TARS1: variants seen among roughly 807,000 people sequenced by gnomAD.
The protein encoded by TARS1 is threonyl-tRNA synthetase 1.
TARS1 carries 57 observed loss-of-function variants against 97.7 expected under a neutral mutation model. The ratio of observed to expected loss-of-function variants is 0.58; its 90% CI spans 0.47 to 0.73. The LOEUF (loss-of-function observed/expected upper bound fraction) is 0.73, where lower values mean the gene tolerates loss of function less well. Ranked by LOEUF, TARS1 falls within the 30% of genes least tolerant of loss-of-function variation. The probability of loss-of-function intolerance (pLI) is 0.00; values close to 1 mark genes in which losing one functional copy is unlikely to be tolerated. For synonymous variants in TARS1, 312 were observed against 293.7 expected, an observed-to-expected ratio of 1.06 and a Z score of -0.64; for missense variants, 806 against 888.3, an observed-to-expected ratio of 0.91 and a Z score of 1.18.
intron 8 of TARS1, among the ~76,000 whole-genome samples, chr5:33,456,739 G>T (rs1742035203): frequency 6.6e-6 from 1 of 152,076 alleles, no homozygotes; most frequent in African/African-American, 2.4e-5. Flanking sequence ...AATGTTTGTG[G>T]AATTGTGGTT....
chr5:33,467,776 C>G lies in TARS1; in HGVS notation c.*68C>G. On this transcript the variant is annotated 3_prime_UTR_variant, in exon 19 of 19. Transcript: ENST00000265112. Reference sequence around the variant, plus strand: ...GCGTTTCCGTAAAATTGACTTTGTACTCTGAAAACGTCAATTTATATTGAA... The same window carrying G: ...GCGTTTCCGTAAAATTGACTTTGTAGTCTGAAAACGTCAATTTATATTGAA... 1 of 1,517,126 alleles carries G rather than the reference C, an allele frequency of 6.6e-7. No homozygotes were observed. Among genetic ancestry groups the G allele is most frequent in the Non-Finnish European group, 8.9e-7 (1 of 1,129,268 alleles). The allele number at this position is 1,517,126 out of a possible 1,614,324, so 94.0% of individuals were successfully genotyped here. A position where few individuals can be genotyped will look rare whatever the true frequency, so the allele number is the denominator to read the frequency against.
Position 33,455,024 on chromosome 5 carries a change from CA to C in TARS1, c.535del (p.Ile179Ter). ...GGTGGATGTTTATGCTACGGTCCGCCAATAGAAAATGGATTCTATTATGACA... is the reference window on the plus strand; with the variant it reads ...GGTGGATGTTTATGCTACGGTCCGCCATAGAAAATGGATTCTATTATGACA... The part of the protein sequence containing the change: ...VYGGCLCYGP[P>X]IENGFYYDMY... On this transcript the variant is annotated frameshift_variant, in exon 5 of 19. Coordinates refer to ENST00000265112, the MANE Select transcript of TARS1 (RefSeq NM_152295.5). LOFTEE classifies it high-confidence loss of function. 1 of 1,613,636 alleles carries C rather than the reference CA, an allele frequency of 6.2e-7. No homozygotes were observed. The highest frequency in any genetic ancestry group is 8.5e-7 in the Non-Finnish European group (1 of 1,179,848).
intron 16 of TARS1, among the ~76,000 whole-genome samples, chr5:33,462,789 C>G (rs1742355837): frequency 6.6e-6 from 1 of 152,174 alleles, no homozygotes; most frequent in East Asian, 1.9e-4. Context: ...GAAAGCAGCA[C>G]AGGGTTATAA....
intron 5 of TARS1, 136 bp downstream of exon 5, chr5:33,455,202 G>C (rs565695282): frequency 2.4e-4 from 279 of 1,155,440 alleles, no homozygotes; most frequent in Non-Finnish European, 3.0e-4. Flanking sequence ...ATCAGTACTT[G>C]AAGTGTTGCA....
Position 33,456,001 on chromosome 5 carries a change from G to A in TARS1, c.694-1G>A, listed in dbSNP as rs778573895. 1 of 1,613,168 alleles carries A rather than the reference G, an allele frequency of 6.2e-7. No individual in the cohort carries two copies. Among genetic ancestry groups the A allele is most frequent in the South Asian group, 1.1e-5 (1 of 91,004 alleles). Reference sequence around the variant, plus strand: ...AAAATAATAATTTTTCCTGTTTTCAGTACAACAAGTTCAAATGCCGGATAT... The same window carrying A: ...AAAATAATAATTTTTCCTGTTTTCAATACAACAAGTTCAAATGCCGGATAT... On this transcript the variant is annotated splice_acceptor_variant, in intron 6 of 18. Transcript: ENST00000265112. LOFTEE classifies it high-confidence loss of function.
At chr5:33,449,358 T>TATATATATATATATATATATATAG (rs59141272) in intron 3 of TARS1, among the ~76,000 whole-genome samples, 2 of 146,406 alleles carry the variant, frequency 1.4e-5, no homozygotes, top group African/African-American at 5.2e-5. Flanking sequence ...TATATATATA[T>TATATATATATATATATATATATAG]CTTAAACTGG....
intron 17 of TARS1, among the ~76,000 whole-genome samples, chr5:33,464,844 G>A (rs1211836944): frequency 2.6e-5 from 4 of 152,050 alleles, no homozygotes; most frequent in African/African-American, 9.7e-5. Flanking sequence ...TTGGGAGGCC[G>A]AGGCGGGTGG....
intron 2 of TARS1, chr5:33,446,566 T>C (rs896450618): frequency 3.4e-6 from 2 of 594,878 alleles, no homozygotes; most frequent in African/African-American, 3.8e-5. Flanking sequence ...GAAAAAAGAG[T>C]GTACAGTGAA....
intron 2 of TARS1, among the ~76,000 whole-genome samples, chr5:33,447,447 A>G (rs924088314): frequency 1.3e-5 from 2 of 152,252 alleles, no homozygotes; most frequent in Non-Finnish European, 2.9e-5. Flanking sequence ...GGATTTTGCC[A>G]TGTTGGCCAG....
upstream of TARS1, chr5:33,440,892 G>A: frequency 1.6e-6 from 1 of 614,776 alleles, no homozygotes. Flanking sequence ...AGAGGAGGGA[G>A]GGCCCGCCTT....
chr5:33,463,363 C>T (rs577067572), intron 16 of TARS1, among the ~76,000 whole-genome samples: 7 of 152,262 alleles, frequency 4.6e-5, no homozygotes, highest in Middle Eastern at 3.4e-3. Context: ...ACTGTGTCCC[C>T]GTGAAGAATA....
chr5:33,461,645 A>T (rs752198113), intron 13 of TARS1, 22 bp from the exon 14 acceptor site: 1 of 1,601,788 alleles, frequency 6.2e-7, no homozygotes, highest in Non-Finnish European at 8.5e-7. Flanking sequence ...AAAAAATAAA[A>T]ATCATTTTGC....
intron 5 of TARS1, among the ~76,000 whole-genome samples, chr5:33,455,344 G>A (rs967281028): frequency 4.6e-5 from 7 of 152,224 alleles, no homozygotes; most frequent in Admixed American, 2.0e-4. Flanking sequence ...ATAGAGTTGC[G>A]GGAAGGGGTC....
rs1289741664 is a variant in TARS1, at chr5:33,441,029, T to G, written c.-58T>G. 6.2e-7 allele frequency: 1 copy of G among 1,611,180 alleles called. No homozygotes were observed. Among genetic ancestry groups the G allele is most frequent in the Non-Finnish European group, 8.5e-7 (1 of 1,177,892 alleles). ...GCTAGCCCACCTCCCACCCGCCTCT[T>G]GGCTCCTCTCCTCTAGGCCGTCGCT... On this transcript the variant is annotated 5_prime_UTR_variant, in exon 1 of 19. Transcript: ENST00000265112.
Position 33,454,988 on chromosome 5 carries a change from A to C in TARS1, c.497A>C (p.Glu166Ala), listed in dbSNP as rs1741937725. Residue 166 changes from glutamate (E) to alanine (A), a missense_variant, in exon 5 of 19, where the codon GAA (glutamate) becomes GCA (alanine). Physicochemically the swap from Glu to Ala is moderately radical, Grantham distance 107. Transcript: ENST00000265112. ...SSAHIMGEAM[E>A]RVYGGCLCYG... is the part of the protein sequence containing the mutation. The stretch of plus-strand genomic sequence containing the variant: ...GCTCACATAATGGGTGAAGCCATGG[A>C]AAGAGTCTATGGTGGATGTTTATGC... 2 of 1,613,784 alleles carry C rather than the reference A, an allele frequency of 1.2e-6. No homozygotes were observed. The highest frequency in any genetic ancestry group is 2.2e-5 in the South Asian group (2 of 91,080).
intron 1 of TARS1, among the ~76,000 whole-genome samples, chr5:33,443,320 C>T (rs4867512): frequency 0.084 from 9,919 of 118,222 alleles, 964 homozygotes; most frequent in East Asian, 0.16. Flanking sequence ...TCTCTCTCTC[C>T]CTCTCTCTCT....
chr5:33,448,490 A>T (rs1741533980), intron 2 of TARS1, 51 bp from the exon 3 acceptor site: 2 of 1,390,760 alleles, frequency 1.4e-6, no homozygotes, highest in South Asian at 3.1e-5. Context: ...TCTAAATAGG[A>T]AAGCAATATT....
chr5:33,448,617 TGGCAGAAAA>T lies in TARS1; in HGVS notation c.225_233del (p.Ala76_Lys78del). ...CTAAAAGCAGAACATGATTCCATTC[TGGCAGAAAA>T]GGCAGAAAAAGATAGCAAGCCAATT... On this transcript the variant is annotated inframe_deletion, in exon 3 of 19. Transcript: ENST00000265112. The T allele has an allele frequency of 1.9e-6, 3 of 1,613,990 alleles. No homozygotes were observed. The highest frequency in any genetic ancestry group is 2.5e-6 in the Non-Finnish European group (3 of 1,179,936).
chr5:33,461,424 A>G, intron 13 of TARS1, 129 bp downstream of exon 13: 3 of 1,341,136 alleles, frequency 2.2e-6, no homozygotes, highest in Non-Finnish European at 3.0e-6. Context: ...AGGTTTGTGT[A>G]AGCTAGTTTT....
Sources: allele counts gnomAD v4.1 joint callset (sites outside exome capture counted in the v4.1 genomes callset), GRCh38; gene constraint gnomAD v4.1.1; transcripts MANE v1.5; gene names NCBI Gene and HGNC (gene_info 2026-07-23, HGNC 2026-07-21).